Variants in CUL5 observed in about 807,000 individuals in gnomAD.
CUL5 encodes cullin 5, also known as cullin-5.
CUL5 carries 26 observed loss-of-function variants against 108.8 expected under a neutral mutation model. The observed-to-expected ratio is 0.24, with a 90% CI of 0.18 to 0.33. CUL5 has a LOEUF of 0.33. Ranked by LOEUF, CUL5 falls within the 10% of genes least tolerant of loss-of-function variation. The pLI, the probability that CUL5 is intolerant of heterozygous loss-of-function variation, is 1.00. For synonymous variants in CUL5, 334 were observed against 298.0 expected (o/e 1.12, Z -1.25); for missense variants, 524 against 909.2 (o/e 0.58, Z 5.45).
intron 8 of CUL5, among the ~76,000 whole-genome samples, chr11:108,070,655 AGATGTGT>A (rs1220312084): frequency 6.6e-6 from 1 of 152,140 alleles, no homozygotes. Context: ...TTTCTTAAAA[AGATGTGT>A]TTTGAGAGGT....
chr11:108,052,553 C>T, intron 4 of CUL5, 107 bp from the exon 5 acceptor site: 1 of 1,013,500 alleles, frequency 9.9e-7, no homozygotes, highest in Non-Finnish European at 1.4e-6. Flanking sequence ...TGAGCCACTG[C>T]ACCTGGCCCA....
At chr11:108,027,492 G>A (rs1180568467) in intron 1 of CUL5, among the ~76,000 whole-genome samples, 2 of 151,958 alleles carry the variant, frequency 1.3e-5, no homozygotes. Context: ...GGCTGGTCTC[G>A]AACTCCTGAT....
At chr11:108,077,908 C>T (rs981440159) in intron 10 of CUL5, among the ~76,000 whole-genome samples, 1 of 152,068 alleles carries the variant, frequency 6.6e-6, no homozygotes, top group African/African-American at 2.4e-5. Flanking sequence ...GAGATCATGC[C>T]ACTGCACTCC....
intron 1 of CUL5, among the ~76,000 whole-genome samples, chr11:108,029,679 TA>T (rs1862530461): frequency 6.6e-6 from 1 of 152,240 alleles, no homozygotes; most frequent in Non-Finnish European, 1.5e-5. Context: ...GAATCTATTA[TA>T]AAAGTTTAAT....
At chr11:108,016,356 T>A (rs999751353) in intron 1 of CUL5, among the ~76,000 whole-genome samples, 1 of 152,050 alleles carries the variant, frequency 6.6e-6, no homozygotes, top group Non-Finnish European at 1.5e-5. Context: ...AGCCTTGACC[T>A]CCTCAGGCTC....
intron 7 of CUL5, among the ~76,000 whole-genome samples, chr11:108,058,732 G>A (rs985508354): frequency 6.6e-6 from 1 of 152,026 alleles, no homozygotes; most frequent in Non-Finnish European, 1.5e-5. Flanking sequence ...AGACAGTTAA[G>A]TGTTGCATTA....
At chr11:108,047,300 A>C (rs1863091549) in intron 3 of CUL5, among the ~76,000 whole-genome samples, 1 of 152,134 alleles carries the variant, frequency 6.6e-6, no homozygotes, top group African/African-American at 2.4e-5. Flanking sequence ...TGGGCAGCAG[A>C]GTGAGACCCT....
chr11:108,011,900 A>G (rs1862066418), intron 1 of CUL5, among the ~76,000 whole-genome samples: 1 of 152,260 alleles, frequency 6.6e-6, no homozygotes, highest in South Asian at 2.1e-4. Flanking sequence ...TGCTGGGATT[A>G]TAGGCGTGAG....
intron 1 of CUL5, among the ~76,000 whole-genome samples, chr11:108,026,659 G>A (rs1862458357): frequency 6.6e-6 from 1 of 152,060 alleles, no homozygotes; most frequent in South Asian, 2.1e-4. Context: ...ATCCTGGAAT[G>A]TTCCTGTCAG....
rs574005227 is a variant in CUL5 at position 108,077,438 on chromosome 11, G to C, written c.1114-738G>C. Reference sequence around the variant, plus strand: ...AGACAGGTGGATCACTTGAGGTCAGGAGTCAACATGATGAAACCCTGTCTC... The same window carrying C: ...AGACAGGTGGATCACTTGAGGTCAGCAGTCAACATGATGAAACCCTGTCTC... On this transcript the variant is annotated intron_variant, in intron 10 of 18. Coordinates refer to ENST00000393094, the MANE Select transcript of CUL5 (RefSeq NM_003478.6). Among the ~76,000 whole-genome samples the C allele has an allele frequency of 2.9e-4, 44 of 152,102 alleles. 2 individuals carry two copies. The South Asian group carries it at 9.1e-3, about 32-fold the overall frequency.
Position 108,033,874 on chromosome 11 carries a change from G to C in CUL5, c.97G>C (p.Glu33Gln), listed in dbSNP as rs377430759. 48 of 1,612,822 alleles carry C rather than the reference G, an allele frequency of 3.0e-5. No homozygotes were observed. The highest frequency in any genetic ancestry group is 3.7e-5 in the Non-Finnish European group (44 of 1,179,418). The change falls in exon 2 of 19, where the codon GAA (glutamate) becomes CAA (glutamine). Residue 33 changes from glutamate (E) to glutamine (Q), a missense_variant. Physicochemically the swap from Glu to Gln is conservative, Grantham distance 29. This residue lies in a region of CUL5 where 76 missense variants were observed against 90.8 expected (regional missense o/e 0.84). Coordinates refer to ENST00000393094, the MANE Select transcript of CUL5 (RefSeq NM_003478.6). ...RPIVLKLLRQ[E>Q]SVTKQQWFDL... ...GATTGTTTTGAAGCTTTTACGCCAG[G>C]AATCTGTTACAAAACAGCAGTGGTT... is the stretch of plus-strand genomic sequence containing the variant.
chr11:108,017,542 G>A (rs971978464), intron 1 of CUL5, among the ~76,000 whole-genome samples: 3 of 152,078 alleles, frequency 2.0e-5, no homozygotes, highest in African/African-American at 4.8e-5. Context: ...GGGCGGTAGC[G>A]AAAACAACGT....
At chr11:108,077,610 A>T (rs1301994333) in intron 10 of CUL5, among the ~76,000 whole-genome samples, 2 of 67,328 alleles carry the variant, frequency 3.0e-5, no homozygotes, top group Non-Finnish European at 7.7e-5. Flanking sequence ...CAGCCTGGGC[A>T]ACGAGTGAAA....
intron 1 of CUL5, among the ~76,000 whole-genome samples, chr11:108,030,871 C>T (rs572724867): frequency 3.3e-5 from 5 of 152,178 alleles, no homozygotes; most frequent in Admixed American, 6.5e-5. Context: ...CAAGAGATTC[C>T]GATCCAGTAG....
intron 7 of CUL5, among the ~76,000 whole-genome samples, chr11:108,059,940 T>C (rs7931789): frequency 0.96 from 146,225 of 151,858 alleles, 70,656 homozygotes; most frequent in East Asian, 1. Flanking sequence ...AAATGAAATA[T>C]GTTACATTAA....
intron 7 of CUL5, among the ~76,000 whole-genome samples, chr11:108,058,070 G>A (rs980568356): frequency 6.6e-6 from 1 of 151,466 alleles, no homozygotes; most frequent in South Asian, 2.1e-4. Context: ...TTAGCCGGAC[G>A]TGGTGGCGTG....
chr11:108,073,424 T>A lies in CUL5; in HGVS notation c.1040T>A (p.Leu347Gln), dbSNP rs1863872866. Reference sequence around the variant, plus strand: ...AAATACGTTGAGCAGTTACTTACACTATTTAATAGATTTAGTAAACTCGTC... The same window carrying A: ...AAATACGTTGAGCAGTTACTTACACAATTTAATAGATTTAGTAAACTCGTC... ...SEKYVEQLLT[L>Q]FNRFSKLVKE... The change falls in exon 10 of 19, where the codon CTA becomes CAA. Residue 347 changes from leucine to glutamine, a missense_variant. By Grantham distance (113) the Leu-to-Gln change is moderately radical. Around this residue, in one of 8 missense-constraint regions of CUL5, gnomAD observed 27 missense variants for 21.3 expected, o/e 1.27. Coordinates refer to ENST00000393094, the MANE Select transcript of CUL5 (RefSeq NM_003478.6). 3 of 1,589,574 alleles carry A rather than the reference T, an allele frequency of 1.9e-6. No homozygotes were observed. In the African/African-American group the frequency reaches 4.0e-5, roughly 21 times the overall value.
intron 5 of CUL5, among the ~76,000 whole-genome samples, chr11:108,053,330 T>C (rs913043957): frequency 1.3e-5 from 2 of 152,220 alleles, no homozygotes; most frequent in African/African-American, 4.8e-5. Flanking sequence ...TGTTTAATTG[T>C]GTTGTTAGCA....
chr11:108,064,593 C>A (rs1863628295), intron 7 of CUL5, among the ~76,000 whole-genome samples: 1 of 152,070 alleles, frequency 6.6e-6, no homozygotes, highest in African/African-American at 2.4e-5. Context: ...GCCCGTAATC[C>A]CAGCTACTCG....
Sources: gnomAD v4.1 joint callset for allele counts (sites outside exome capture counted in the v4.1 genomes callset) on GRCh38, gnomAD v4.1.1 for gene constraint, gnomAD v4.1.1 regional missense constraint, MANE v1.5 for transcripts, NCBI Gene and HGNC (gene_info 2026-07-23, HGNC 2026-07-21) for gene names.